The following RERE variants were observed in gnomAD, a reference collection of about 807,000 sequenced individuals.
RERE encodes arginine-glutamic acid dipeptide repeats.
Under a neutral mutation model 146.1 loss-of-function variants are expected in RERE, and 40 were observed. That is an observed-to-expected ratio of 0.27 (90% CI 0.21 to 0.36). The LOEUF (loss-of-function observed/expected upper bound fraction) is 0.36, where lower values mean the gene tolerates loss of function less well. Ranked by LOEUF, RERE falls within the 10% of genes least tolerant of loss-of-function variation. The pLI is 1.00. For synonymous variants in RERE, 1,003 were observed against 866.0 expected, an observed-to-expected ratio of 1.16 and a Z score of -2.78; for missense variants, 1,933 against 2,138.7, an observed-to-expected ratio of 0.90 and a Z score of 1.90.
chr1:8,621,016 T>C (rs546492414), intron 3 of RERE, among the ~76,000 whole-genome samples: 39 of 152,160 alleles, frequency 2.6e-4, no homozygotes, highest in South Asian at 1.0e-3. Flanking sequence ...AAGTGTGGGC[T>C]CGAAATACAC....
chr1:8,474,133 C>A (rs900442567), intron 10 of RERE, among the ~76,000 whole-genome samples: 1 of 152,206 alleles, frequency 6.6e-6, no homozygotes, highest in Non-Finnish European at 1.5e-5. Context: ...GCTTTACTGG[C>A]AAGCTTCTCG....
intron 1 of RERE, among the ~76,000 whole-genome samples, chr1:8,788,023 G>A (rs1318699071): frequency 1.3e-5 from 2 of 151,932 alleles, no homozygotes; most frequent in African/African-American, 2.4e-5. Context: ...GCTTGAGCCC[G>A]GGAGGTCAAG....
intron 7 of RERE, among the ~76,000 whole-genome samples, chr1:8,523,359 T>C (rs1032707170): frequency 6.6e-6 from 1 of 152,236 alleles, no homozygotes; most frequent in African/African-American, 2.4e-5. Context: ...TAAGAACAAC[T>C]AATAAGATAT....
rs35144697 is a variant in RERE, at chr1:8,471,517, CTTT to C, written c.1105-5497_1105-5495del. On this transcript the variant is annotated intron_variant, in intron 10 of 22. Transcript: ENST00000400908. ...GGTTTTGCCATGCTGCCCGGGGTTG[CTTT>C]TTTTTTTTTTTTTGAGAAAGAGTTT... 9.8e-5 allele frequency among the ~76,000 whole-genome samples: 13 copies of C among 132,326 alleles called. No homozygotes were observed. In the East Asian group the frequency reaches 1.8e-3, roughly 18 times the overall value. 86.8% of individuals were successfully genotyped at this position (132,326 alleles called of 152,430 possible). A position where few individuals can be genotyped will look rare whatever the true frequency, so the allele number is the denominator to read the frequency against.
chr1:8,815,171 G>A (rs1298623782), intron 1 of RERE, among the ~76,000 whole-genome samples: 2 of 152,100 alleles, frequency 1.3e-5, no homozygotes. Context: ...CCTATTCCCT[G>A]TCCAGTATTC....
Position 8,401,069 on chromosome 1 carries a change from A to ATATATATATATATATATATATATG in RERE, c.1284+21657_1284+21658insCATATATATATATATATATATATA, listed in dbSNP as rs761609705. Among the ~76,000 whole-genome samples, 60 of 85,064 alleles carry ATATATATATATATATATATATATG rather than the reference A, an allele frequency of 7.1e-4. 1 individual carries two copies. The highest frequency in any genetic ancestry group is 0.013 in the Middle Eastern group (1 of 78). The allele number at this position is 85,064 out of a possible 152,430, so 55.8% of individuals were successfully genotyped here. ...TATATATATATATATATATATATAT[A>ATATATATATATATATATATATATG]TATGTCACTTAATAGTTTTTGGGAG... On this transcript the variant is annotated intron_variant, in intron 12 of 22. Coordinates refer to ENST00000400908, the MANE Select transcript of RERE (RefSeq NM_001042681.2).
intron 2 of RERE, among the ~76,000 whole-genome samples, chr1:8,628,384 C>T (rs1415632119): frequency 6.6e-6 from 1 of 152,046 alleles, no homozygotes; most frequent in African/African-American, 2.4e-5. Context: ...CTATGTAAAA[C>T]TTGCCATAGG....
chr1:8,689,757 G>A (rs1422756330), intron 1 of RERE, among the ~76,000 whole-genome samples: 4 of 150,678 alleles, frequency 2.7e-5, no homozygotes, highest in African/African-American at 9.8e-5. Flanking sequence ...GCCCATCGAA[G>A]GAGCAATGGA....
chr1:8,639,124 CA>C (rs1298378813), intron 2 of RERE, among the ~76,000 whole-genome samples: 5 of 151,876 alleles, frequency 3.3e-5, no homozygotes, highest in African/African-American at 1.2e-4. Flanking sequence ...ACTCAAAGGG[CA>C]AAAGAAGAAG....
At chr1:8,424,037 C>T in intron 11 of RERE, 1 of 152,248 alleles carries the variant, frequency 6.6e-6, no homozygotes, top group Non-Finnish European at 1.5e-5. Context: ...GGGGAGAGGG[C>T]GCCCACAGGG....
At chr1:8,380,261 G>A (rs565917766) in intron 12 of RERE, among the ~76,000 whole-genome samples, 8 of 152,088 alleles carry the variant, frequency 5.3e-5, no homozygotes, top group African/African-American at 1.9e-4. Flanking sequence ...CAGCCTCAGA[G>A]CAAGCCATGC....
chr1:8,374,604 C>G (rs1027100191), intron 12 of RERE, among the ~76,000 whole-genome samples: 3 of 152,178 alleles, frequency 2.0e-5, no homozygotes, highest in Non-Finnish European at 4.4e-5. Flanking sequence ...ATGCTGCACA[C>G]AGACCAGGTG....
At chr1:8,395,134 C>T (rs1643013455) in intron 12 of RERE, among the ~76,000 whole-genome samples, 1 of 152,108 alleles carries the variant, frequency 6.6e-6, no homozygotes, top group African/African-American at 2.4e-5. Context: ...CTCCTGCCCA[C>T]AGAATAAATC....
intron 10 of RERE, among the ~76,000 whole-genome samples, chr1:8,478,613 G>A (rs772720560): frequency 2.6e-5 from 4 of 152,202 alleles, no homozygotes; most frequent in Non-Finnish European, 4.4e-5. Flanking sequence ...GGGCTGGCCA[G>A]GACAACACAG....
At chr1:8,528,293 G>A (rs189209967) in intron 7 of RERE, among the ~76,000 whole-genome samples, 1 of 152,252 alleles carries the variant, frequency 6.6e-6, no homozygotes, top group Non-Finnish European at 1.5e-5. Context: ...AGAGACAAGG[G>A]ATATTAAAGA....
chr1:8,386,858 A>C (rs1642696057), intron 12 of RERE, among the ~76,000 whole-genome samples: 1 of 152,178 alleles, frequency 6.6e-6, no homozygotes, highest in African/African-American at 2.4e-5. Flanking sequence ...AGTGTGAGGA[A>C]AGGAAAGAGG....
At chr1:8,763,884 T>C (rs1482475799) in intron 1 of RERE, among the ~76,000 whole-genome samples, 1 of 147,194 alleles carries the variant, frequency 6.8e-6, no homozygotes. Context: ...GAGGTTGCAG[T>C]AAGCCGAGAT....
chr1:8,479,988 T>A (rs1644809447), intron 10 of RERE, among the ~76,000 whole-genome samples: 1 of 152,154 alleles, frequency 6.6e-6, no homozygotes, highest in South Asian at 2.1e-4. Flanking sequence ...CTTCTGAAAC[T>A]CATGGGCCTG....
chr1:8,490,340 T>C (rs1401619343), intron 10 of RERE, among the ~76,000 whole-genome samples: 2 of 123,538 alleles, frequency 1.6e-5, no homozygotes, highest in Non-Finnish European at 3.2e-5. Flanking sequence ...CTGGGCAACA[T>C]CTCAAAAAAA....
Sources: gnomAD v4.1 joint callset for allele counts (sites outside exome capture counted in the v4.1 genomes callset) on GRCh38, gnomAD v4.1.1 for gene constraint, MANE v1.5 for transcripts, NCBI Gene and HGNC (gene_info 2026-07-23, HGNC 2026-07-21) for gene names.